GRIP1: variants seen among roughly 807,000 people sequenced by gnomAD.
GRIP1 encodes the protein glutamate receptor-interacting protein 1.
GRIP1 carries 45 observed loss-of-function variants against 129.9 expected under a neutral mutation model. The ratio of observed to expected loss-of-function variants is 0.35; its 90% confidence interval spans 0.27 to 0.44. The LOEUF is 0.44. Among genes scored for constraint, GRIP1 ranks in the 20% least tolerant of loss-of-function variants. GRIP1 has a pLI of 1.00. For missense variants in GRIP1, 1,196 were observed against 1,396.8 expected, an observed-to-expected ratio of 0.86 and a Z score of 2.29; for synonymous variants, 530 against 520.8, an observed-to-expected ratio of 1.02 and a Z score of -0.24.
intron 1 of GRIP1, among the ~76,000 whole-genome samples, chr12:66,700,686 G>C (rs906407827): frequency 6.6e-6 from 1 of 152,114 alleles, no homozygotes; most frequent in Non-Finnish European, 1.5e-5. Context: ...GGCTGGGGGG[G>C]AGAATATCAA....
intron 1 of GRIP1, among the ~76,000 whole-genome samples, chr12:66,634,619 C>T (rs1284640255): frequency 1.3e-5 from 2 of 152,184 alleles, no homozygotes; most frequent in African/African-American, 4.8e-5. Context: ...TATATTCTTC[C>T]CTTCTAAACA....
At chr12:66,470,122 C>T (rs528681846) in intron 7 of GRIP1, among the ~76,000 whole-genome samples, 7 of 152,290 alleles carry the variant, frequency 4.6e-5, no homozygotes, top group Admixed American at 4.6e-4. Flanking sequence ...CTCTCATGCC[C>T]TTCACCTTCC....
chr12:66,793,068 AG>A (rs1279405625), intron 1 of GRIP1, among the ~76,000 whole-genome samples: 1 of 152,200 alleles, frequency 6.6e-6, no homozygotes, highest in East Asian at 1.9e-4. Flanking sequence ...GTTCCTATAT[AG>A]TTTTCCAATT....
chr12:66,624,633 A>C (rs572163331), intron 1 of GRIP1, among the ~76,000 whole-genome samples: 1 of 152,292 alleles, frequency 6.6e-6, no homozygotes, highest in South Asian at 2.1e-4. Flanking sequence ...CTGATGGATA[A>C]TAGCATATAC....
intron 14 of GRIP1, among the ~76,000 whole-genome samples, chr12:66,427,035 C>T (rs1023965010): frequency 6.6e-6 from 1 of 152,108 alleles, no homozygotes; most frequent in African/African-American, 2.4e-5. Context: ...CATCTAAAGA[C>T]TAAGGTCATT....
intron 1 of GRIP1, among the ~76,000 whole-genome samples, chr12:66,849,773 A>C (rs2039879066): frequency 6.6e-6 from 1 of 152,234 alleles, no homozygotes; most frequent in Non-Finnish European, 1.5e-5. Context: ...AAGAGTAAAG[A>C]GACCTGACCT....
chr12:66,679,483 G>A (rs550090111), upstream of GRIP1, among the ~76,000 whole-genome samples: 1 of 151,324 alleles, frequency 6.6e-6, no homozygotes, highest in South Asian at 2.1e-4. Flanking sequence ...AAAGAGGGAG[G>A]GCCGTTTATA....
chr12:66,532,330 T>C (rs61928464), intron 4 of GRIP1, among the ~76,000 whole-genome samples: 26,228 of 152,024 alleles, frequency 0.17, 2,716 homozygotes, highest in African/African-American at 0.3. Flanking sequence ...CCAATTAAGG[T>C]GCTTACCCAA....
intron 1 of GRIP1, among the ~76,000 whole-genome samples, chr12:66,863,413 A>C (rs1669866886): frequency 6.6e-6 from 1 of 152,188 alleles, no homozygotes; most frequent in Non-Finnish European, 1.5e-5. Context: ...AACTTGTAAG[A>C]AGCAAGATAA....
At chr12:66,419,938 A>G (rs1251653900) in intron 15 of GRIP1, among the ~76,000 whole-genome samples, 2 of 152,154 alleles carry the variant, frequency 1.3e-5, no homozygotes, top group Non-Finnish European at 2.9e-5. Flanking sequence ...TCTAGTAAAA[A>G]ATACAAAACT....
intron 2 of GRIP1, among the ~76,000 whole-genome samples, chr12:66,575,067 C>T (rs1194666186): frequency 2.0e-5 from 3 of 152,174 alleles, no homozygotes; most frequent in African/African-American, 7.2e-5. Context: ...CCACCGTGCC[C>T]GGCCTCCATT....
At chr12:66,906,660 A>G (rs887122989) in intron 1 of GRIP1, among the ~76,000 whole-genome samples, 1 of 152,118 alleles carries the variant, frequency 6.6e-6, no homozygotes. Flanking sequence ...GTAAGACCAG[A>G]ACGGGAAGGC....
chr12:66,743,738 T>G (rs895079927), intron 1 of GRIP1, among the ~76,000 whole-genome samples: 20 of 152,104 alleles, frequency 1.3e-4, no homozygotes, highest in African/African-American at 4.8e-4. Flanking sequence ...CAGACAAAGT[T>G]AATAGTGTTA....
chr12:66,489,921 A>C (rs1361891520), intron 7 of GRIP1, among the ~76,000 whole-genome samples: 1 of 152,206 alleles, frequency 6.6e-6, no homozygotes, highest in Non-Finnish European at 1.5e-5. Flanking sequence ...ACAGCTAATA[A>C]GGGAAGTGAA....
At chr12:66,849,583 T>C (rs1002289370) in intron 1 of GRIP1, among the ~76,000 whole-genome samples, 5 of 152,062 alleles carry the variant, frequency 3.3e-5, no homozygotes, top group Non-Finnish European at 4.4e-5. Context: ...GCCACTACAC[T>C]GCAGCCTAGG....
At chr12:66,747,418 T>A (rs941196399) in intron 1 of GRIP1, among the ~76,000 whole-genome samples, 3 of 152,166 alleles carry the variant, frequency 2.0e-5, no homozygotes, top group African/African-American at 7.2e-5. Flanking sequence ...AAGCTACACA[T>A]CCTTGACAGA....
intron 14 of GRIP1, among the ~76,000 whole-genome samples, chr12:66,423,072 G>A (rs1052045647): frequency 6.6e-6 from 1 of 152,188 alleles, no homozygotes; most frequent in African/African-American, 2.4e-5. Flanking sequence ...CAAATTAGTA[G>A]ATTTTATATA....
At chr12:66,828,296 T>TA (rs1432619592) in intron 1 of GRIP1, among the ~76,000 whole-genome samples, 3 of 152,138 alleles carry the variant, frequency 2.0e-5, no homozygotes, top group Non-Finnish European at 4.4e-5. Context: ...AAGGCTAAAC[T>TA]AAAAAAATTA....
At chr12:66,681,747 G>A (rs1260995400), upstream of GRIP1, among the ~76,000 whole-genome samples, 1 of 152,160 alleles carries the variant, frequency 6.6e-6, no homozygotes, top group Non-Finnish European at 1.5e-5. Context: ...GAGTGAGCTA[G>A]TTCAAGAGGT....
Sources: allele counts gnomAD v4.1 joint callset (sites outside exome capture counted in the v4.1 genomes callset), GRCh38; gene constraint gnomAD v4.1.1; transcripts MANE v1.5; gene names NCBI Gene and HGNC (gene_info 2026-07-23, HGNC 2026-07-21).